MPP7: variants seen among roughly 807,000 people sequenced by gnomAD.
MPP7 encodes the protein MAGUK p55 scaffold protein 7.
Under a neutral mutation model 76.5 loss-of-function variants are expected in MPP7, and 60 were observed. That is an observed-to-expected ratio of 0.78 (90% CI 0.64 to 0.97). MPP7 has a LOEUF of 0.97. Ranked by LOEUF, MPP7 falls within the 50% of genes least tolerant of loss-of-function variation. The pLI, the probability that MPP7 is intolerant of heterozygous loss-of-function variation, is 0.00. For synonymous variants in MPP7, 237 were observed against 244.5 expected, an observed-to-expected ratio of 0.97 and a Z score of 0.29; for missense variants, 641 against 694.0, an observed-to-expected ratio of 0.92 and a Z score of 0.86.
intron 1 of MPP7, among the ~76,000 whole-genome samples, chr10:28,240,789 C>CA (rs71961090): frequency 0.16 from 24,686 of 151,410 alleles, 2,356 homozygotes; most frequent in African/African-American, 0.26. Context: ...AATTCAAAGT[C>CA]AAAAAAAGAC....
intron 11 of MPP7, among the ~76,000 whole-genome samples, chr10:28,115,120 G>T (rs1192887230): frequency 6.7e-6 from 1 of 150,284 alleles, no homozygotes; most frequent in African/African-American, 2.5e-5. Flanking sequence ...GTTTTTTTTT[G>T]AGATGGAGTT....
At position 28,202,039 on chromosome 10, in the gene MPP7, C is replaced by A. The variant is rs538303321; in HGVS notation, c.156+114G>T. 4.0e-6 allele frequency: 3 copies of A among 747,640 alleles called. No homozygotes were observed. In the South Asian group the frequency reaches 5.0e-5, roughly 12 times the overall value. 46.3% of individuals were successfully genotyped at this position (747,640 alleles called of 1,614,324 possible). A position where few individuals can be genotyped will look rare whatever the true frequency, so the allele number is the denominator to read the frequency against. On this transcript the variant is annotated intron_variant, in intron 3 of 16. Transcript: ENST00000683449. ...CTTCCACGCCCGTCGGTGAATGGAA[C>A]AAGGCTGTTTTGTTTTCAGAGAGCA...
Position 28,058,539 on chromosome 10 carries a change from C to G in MPP7, c.1363G>C (p.Val455Leu), listed in dbSNP as rs1851650791. Residue 455 changes from valine to leucine, a missense_variant, in exon 15 of 17, where the codon GTC becomes CTC. By Grantham distance (32) the Val-to-Leu change is conservative. Transcript: ENST00000683449. ...YGTSIDSVRS[V>L]LAKNKVCLLD... is the part of the protein sequence containing the mutation. ...AAACAAACTTTGTTTTTAGCAAGGA[C>G]AGACCGAACTGAGTCTATACTTGTG... is the stretch of plus-strand genomic sequence containing the variant. 6.2e-7 allele frequency: 1 copy of G among 1,606,822 alleles called. No individual in the cohort carries two copies. Among genetic ancestry groups the G allele is most frequent in the African/African-American group, 1.3e-5 (1 of 74,750 alleles).
At chr10:28,294,265 C>A (rs900265627) in intron 1 of MPP7, among the ~76,000 whole-genome samples, 2 of 152,210 alleles carry the variant, frequency 1.3e-5, no homozygotes, top group African/African-American at 4.8e-5. Flanking sequence ...TGAGATCACA[C>A]CACTGCACTC....
chr10:28,226,758 CATT>C (rs963174135), intron 2 of MPP7, among the ~76,000 whole-genome samples: 1 of 152,136 alleles, frequency 6.6e-6, no homozygotes, highest in Non-Finnish European at 1.5e-5. Context: ...ACAAAGACAT[CATT>C]AACGGTTACA....
chr10:28,296,622 A>C (rs1022048609), intron 1 of MPP7, among the ~76,000 whole-genome samples: 1 of 152,238 alleles, frequency 6.6e-6, no homozygotes, highest in Admixed American at 6.5e-5. Context: ...CAAGCAACCC[A>C]ATCAGTAATA....
chr10:28,148,988 T>C (rs188744731), intron 4 of MPP7, among the ~76,000 whole-genome samples: 2 of 152,294 alleles, frequency 1.3e-5, no homozygotes, highest in Non-Finnish European at 2.9e-5. Flanking sequence ...AGCTTCCTCA[T>C]TAAATATATA....
intron 3 of MPP7, among the ~76,000 whole-genome samples, chr10:28,155,117 G>A (rs571273894): frequency 6.6e-5 from 10 of 152,080 alleles, no homozygotes; most frequent in African/African-American, 9.7e-5. Flanking sequence ...GGAATGAACC[G>A]TCTTAAAACG....
Position 28,120,469 on chromosome 10 carries a change from C to T in MPP7, c.691-79G>A, listed in dbSNP as rs1834799836. 5 of 1,484,216 alleles carry T rather than the reference C, an allele frequency of 3.4e-6. No individual in the cohort carries two copies. The Admixed American group carries it at 7.3e-5, about 22-fold the overall frequency. The allele number at this position is 1,484,216 out of a possible 1,614,324, so 91.9% of individuals were successfully genotyped here. A position where few individuals can be genotyped will look rare whatever the true frequency, so the allele number is the denominator to read the frequency against. ...GGCCTATATTCTCCTAACTCCGACT[C>T]CAAACATAGTAATTTTAAAACTGGA... On this transcript the variant is annotated intron_variant, in intron 9 of 16. Coordinates refer to ENST00000683449, the MANE Select transcript of MPP7 (RefSeq NM_001318170.2).
upstream of MPP7, among the ~76,000 whole-genome samples, chr10:28,304,596 T>C (rs1470004579): frequency 6.6e-6 from 1 of 152,182 alleles, no homozygotes. Flanking sequence ...TAATAATAAC[T>C]GTAATTCTAA....
At chr10:28,104,829 A>T (rs982387825) in intron 11 of MPP7, among the ~76,000 whole-genome samples, 3 of 152,072 alleles carry the variant, frequency 2.0e-5, no homozygotes, top group Non-Finnish European at 1.5e-5. Context: ...ATCTCAAGGA[A>T]CTTCCAGGTG....
Position 28,206,995 on chromosome 10 carries a change from C to T in MPP7, c.38-4724G>A, listed in dbSNP as rs143399017. ...TGTCAGGTGGCCTCTAAAACCATAC[C>T]CAAAAATTTTGAATTTAGGTTATAT... On this transcript the variant is annotated intron_variant, in intron 2 of 16. Transcript: ENST00000683449. 2.9e-3 allele frequency among the ~76,000 whole-genome samples: 439 copies of T among 151,942 alleles called. 1 individual carries two copies. Among genetic ancestry groups the T allele is most frequent in the African/African-American group, 9.8e-3 (406 of 41,450 alleles).
chr10:28,299,789 G>A (rs1017468410), intron 1 of MPP7, among the ~76,000 whole-genome samples: 17 of 116,854 alleles, frequency 1.5e-4, no homozygotes, highest in Non-Finnish European at 1.7e-5. Flanking sequence ...TTTTTGAGAC[G>A]GAGTCTCGCT....
At chr10:28,284,380 A>C (rs1245036432) in intron 1 of MPP7, among the ~76,000 whole-genome samples, 1 of 152,180 alleles carries the variant, frequency 6.6e-6, no homozygotes, top group African/African-American at 2.4e-5. Context: ...TCAGGGAGGG[A>C]GCAGCAGCTT....
At chr10:28,155,170 T>TCA (rs1446885168) in intron 3 of MPP7, among the ~76,000 whole-genome samples, 1 of 152,218 alleles carries the variant, frequency 6.6e-6, no homozygotes, top group Non-Finnish European at 1.5e-5. Flanking sequence ...CATGTGTGAC[T>TCA]CAGTTGATTC....
intron 3 of MPP7, among the ~76,000 whole-genome samples, chr10:28,154,278 CCACT>C (rs1835977703): frequency 6.6e-6 from 1 of 152,128 alleles, no homozygotes; most frequent in Admixed American, 6.5e-5. Flanking sequence ...TCTCATCTTC[CCACT>C]CACTAACAAA....
intron 1 of MPP7, among the ~76,000 whole-genome samples, chr10:28,288,299 G>C (rs543211933): frequency 6.6e-6 from 1 of 152,234 alleles, no homozygotes; most frequent in East Asian, 1.9e-4. Flanking sequence ...GAGTGCAGTG[G>C]TGTGATCATG....
chr10:28,166,521 C>T (rs914979320), intron 3 of MPP7, among the ~76,000 whole-genome samples: 2 of 150,978 alleles, frequency 1.3e-5, no homozygotes, highest in African/African-American at 4.9e-5. Context: ...GATTCTCCTG[C>T]CTCAGCCTGC....
intron 15 of MPP7, among the ~76,000 whole-genome samples, chr10:28,057,496 C>T (rs1183614484): frequency 6.6e-6 from 1 of 151,940 alleles, no homozygotes; most frequent in Non-Finnish European, 1.5e-5. Flanking sequence ...CAACCCTCCT[C>T]CTTTGCTTTC....
Sources: allele counts gnomAD v4.1 joint callset (sites outside exome capture counted in the v4.1 genomes callset), GRCh38; gene constraint gnomAD v4.1.1; transcripts MANE v1.5; gene names NCBI Gene and HGNC (gene_info 2026-07-23, HGNC 2026-07-21).